KLHL3: variants seen among roughly 807,000 people sequenced by gnomAD.
KLHL3 encodes kelch-like protein 3.
KLHL3 carries 19 observed loss-of-function variants against 70.5 expected under a neutral mutation model. The observed-to-expected ratio is 0.27, with a 90% CI of 0.19 to 0.40. The LOEUF (loss-of-function observed/expected upper bound fraction) is 0.40, where lower values mean the gene tolerates loss of function less well. KLHL3 is among the 10% of genes least tolerant of loss of function. KLHL3 has a pLI of 1.00. For synonymous variants in KLHL3, 258 were observed against 290.3 expected (o/e 0.89, Z 1.13); for missense variants, 512 against 771.1 (o/e 0.66, Z 3.98).
intron 2 of KLHL3, among the ~76,000 whole-genome samples, chr5:137,719,547 A>G (rs530910786): frequency 3.1e-4 from 48 of 152,398 alleles, no homozygotes; most frequent in Middle Eastern, 3.4e-3. Flanking sequence ...ACAAAAAAAC[A>G]TGTACAGAAA....
At chr5:137,690,966 C>CTA (rs943681123) in intron 5 of KLHL3, among the ~76,000 whole-genome samples, 1 of 152,176 alleles carries the variant, frequency 6.6e-6, no homozygotes, top group Non-Finnish European at 1.5e-5. Flanking sequence ...GACCTATTTC[C>CTA]TAGTCATTCA....
intron 4 of KLHL3, among the ~76,000 whole-genome samples, chr5:137,693,274 G>A (rs1457957608): frequency 6.6e-6 from 1 of 152,148 alleles, no homozygotes; most frequent in Admixed American, 6.5e-5. Flanking sequence ...AACATCTTTA[G>A]GTACATTCTT....
At chr5:137,677,172 C>G (rs1751903687) in intron 6 of KLHL3, among the ~76,000 whole-genome samples, 2 of 152,024 alleles carry the variant, frequency 1.3e-5, no homozygotes, top group African/African-American at 4.8e-5. Flanking sequence ...ATTGGCCAAG[C>G]ATGGTGGCTC....
rs570466314 is a variant in KLHL3, at chr5:137,675,313, T to G, written c.636+2232A>C. Among the ~76,000 whole-genome samples, 3 of 152,342 alleles carry G rather than the reference T, an allele frequency of 2.0e-5. No individual in the cohort carries two copies. The South Asian group carries it at 6.2e-4, about 32-fold the overall frequency. On this transcript the variant is annotated intron_variant, in intron 6 of 14. Coordinates refer to ENST00000309755, the MANE Select transcript of KLHL3 (RefSeq NM_017415.3). ...ATACATTAAGTGAAAAAAGTCATGT[T>G]TGTTTCTGGAAAGATATAATTAACT...
chr5:137,696,940 T>G (rs1752459275), intron 4 of KLHL3, among the ~76,000 whole-genome samples: 1 of 152,148 alleles, frequency 6.6e-6, no homozygotes, highest in African/African-American at 2.4e-5. Context: ...GGGAAGGGAC[T>G]CCAGGTGTAG....
chr5:137,630,106 A>C (rs1750597484), intron 12 of KLHL3, among the ~76,000 whole-genome samples: 1 of 152,214 alleles, frequency 6.6e-6, no homozygotes, highest in Admixed American at 6.5e-5. Context: ...CTCGACATGC[A>C]TGTGGGTTCC....
In KLHL3 at chr5:137,620,673, C is replaced by G. The variant is rs1260528299; in HGVS notation, c.*1425G>C. 1 of 152,208 alleles carries G rather than the reference C, an allele frequency of 6.6e-6. No homozygotes were observed. The highest frequency in any genetic ancestry group is 1.5e-5 in the Non-Finnish European group (1 of 68,036). 9.4% of individuals were successfully genotyped at this position (152,208 alleles called of 1,614,324 possible). Reference sequence around the variant, plus strand: ...TACTCCATGCCCCCTCAAATGCCCGCTCCTCAAGATGCTTGAAGTTCTATT... The same window carrying G: ...TACTCCATGCCCCCTCAAATGCCCGGTCCTCAAGATGCTTGAAGTTCTATT... On this transcript the variant is annotated 3_prime_UTR_variant, in exon 15 of 15. Transcript: ENST00000309755.
chr5:137,652,839 T>C (rs1216154847), intron 8 of KLHL3, among the ~76,000 whole-genome samples: 3 of 152,208 alleles, frequency 2.0e-5, no homozygotes, highest in Non-Finnish European at 4.4e-5. Flanking sequence ...AAAATAAGTA[T>C]ATGATGTAAT....
At position 137,639,200 on chromosome 5, in the gene KLHL3, C is replaced by T; in HGVS notation, c.1022-50G>A. 2 of 1,564,794 alleles carry T rather than the reference C, an allele frequency of 1.3e-6. No homozygotes were observed. The highest frequency in any genetic ancestry group is 8.8e-7 in the Non-Finnish European group (1 of 1,142,498). On this transcript the variant is annotated intron_variant, in intron 9 of 14. Coordinates refer to ENST00000309755, the MANE Select transcript of KLHL3 (RefSeq NM_017415.3). This position sits in a 1 kb window ranked among gnomAD's most constrained non-coding sequence, Gnocchi z 5.0. ...CAAGGTCAGGTCAGGCGCATGACTG[C>T]TCATGTTGATGGATGGCAATGGAGG...
intron 5 of KLHL3, among the ~76,000 whole-genome samples, chr5:137,690,779 G>A (rs1274231485): frequency 6.6e-6 from 1 of 152,180 alleles, no homozygotes; most frequent in African/African-American, 2.4e-5. Flanking sequence ...CACAGCACAG[G>A]TAGCTAGCTG....
chr5:137,653,769 T>G (rs1351156444), intron 8 of KLHL3, among the ~76,000 whole-genome samples: 1 of 152,154 alleles, frequency 6.6e-6, no homozygotes, highest in Admixed American at 6.5e-5. Context: ...CCAAGAGAAA[T>G]TAAAACATAT....
At chr5:137,690,761 G>GAGGCTAACACAGCACAGGTAGCTA (rs1295095402) in intron 5 of KLHL3, among the ~76,000 whole-genome samples, 129 of 152,228 alleles carry the variant, frequency 8.5e-4, no homozygotes, top group Non-Finnish European at 1.2e-3. Flanking sequence ...TGTTGACCAA[G>GAGGCTAACACAGCACAGGTAGCTA]AGGCTAACAC....
At chr5:137,728,492 A>T (rs1193208234) in intron 1 of KLHL3, among the ~76,000 whole-genome samples, 1 of 152,136 alleles carries the variant, frequency 6.6e-6, no homozygotes, top group Non-Finnish European at 1.5e-5. Flanking sequence ...AGAGAGGAGT[A>T]CTTTCTTAGG....
intron 6 of KLHL3, among the ~76,000 whole-genome samples, chr5:137,674,343 T>C (rs1751833732): frequency 6.6e-6 from 1 of 152,154 alleles, no homozygotes; most frequent in South Asian, 2.1e-4. Context: ...ACATACATTC[T>C]TGTGGGAGAT....
In KLHL3 at chr5:137,735,910, A is replaced by C; in HGVS notation, c.-264T>G. 1.9e-6 allele frequency: 1 copy of C among 529,864 alleles called. No individual in the cohort carries two copies. The allele number at this position is 529,864 out of a possible 1,614,324, so 32.8% of individuals were successfully genotyped here. On this transcript the variant is annotated 5_prime_UTR_variant, in exon 1 of 15. Transcript: ENST00000309755. ...TTTCAGCTGCTAAAAGCAGCAACCC[A>C]CTTGCTCCCCCTCCCCCGCAGGCTT...
At position 137,618,964 on chromosome 5, in the gene KLHL3, G is replaced by C. The variant is rs544432470; in HGVS notation, c.*3134C>G. The stretch of plus-strand genomic sequence containing the variant: ...TGTTTCTGAAGGGTGAGAAACAAAA[G>C]GAAGAGAGCTACAGGCATGAACTAC... On this transcript the variant is annotated 3_prime_UTR_variant, in exon 15 of 15. Coordinates refer to ENST00000309755, the MANE Select transcript of KLHL3 (RefSeq NM_017415.3). The C allele has an allele frequency of 1.3e-5, 2 of 149,164 alleles. No individual in the cohort carries two copies. Among genetic ancestry groups the C allele is most frequent in the African/African-American group, 4.9e-5 (2 of 40,848 alleles). 9.2% of individuals were successfully genotyped at this position (149,164 alleles called of 1,614,324 possible). A position where few individuals can be genotyped will look rare whatever the true frequency, so the allele number is the denominator to read the frequency against.
At chr5:137,708,721 A>G (rs911912095) in intron 3 of KLHL3, among the ~76,000 whole-genome samples, 1 of 152,308 alleles carries the variant, frequency 6.6e-6, no homozygotes, top group Non-Finnish European at 1.5e-5. Context: ...TATAGGATAG[A>G]GAGAGGCCTG....
chr5:137,682,894 C>T lies in KLHL3; in HGVS notation c.527-5240G>A, dbSNP rs370115087. ...CCCCAGGACTATTCTTCTCTCTTCA[C>T]GGAATGAAATAAACCTAAACCTTTG... On this transcript the variant is annotated intron_variant, in intron 5 of 14. Transcript: ENST00000309755. Among the ~76,000 whole-genome samples the T allele has an allele frequency of 7.9e-5, 12 of 152,286 alleles. 1 individual carries two copies. Among genetic ancestry groups the T allele is most frequent in the Admixed American group, 5.2e-4 (8 of 15,300 alleles).
rs374619881 is a variant in KLHL3, at chr5:137,622,101, C to T, written c.1761G>A (p.Leu587=). ...YAGVAVIHKS[L] ...CTCCTGGCAGTAGGAGTTTGGGTCA[C>T]AAGGACTTGTGAATCACGGCAACAC... Residue 587 remains leucine (L), a synonymous_variant, in exon 15 of 15, where the codon TTG becomes TTA. Coordinates refer to ENST00000309755, the MANE Select transcript of KLHL3 (RefSeq NM_017415.3). The T allele has an allele frequency of 1.2e-5, 19 of 1,614,084 alleles. No homozygotes were observed. The highest frequency in any genetic ancestry group is 1.5e-5 in the Non-Finnish European group (18 of 1,180,042).
Sources: gnomAD v4.1 joint callset for allele counts (sites outside exome capture counted in the v4.1 genomes callset) on GRCh38, gnomAD v4.1.1 for gene constraint, Gnocchi (gnomAD v3.1) non-coding constraint, MANE v1.5 for transcripts, NCBI Gene and HGNC (gene_info 2026-07-23, HGNC 2026-07-21) for gene names.